Variants in ZNF76 observed in about 807,000 individuals in gnomAD.
ZNF76 encodes zinc finger protein 76, also known as zinc finger protein 523.
ZNF76 carries 66 observed loss-of-function variants against 66.9 expected under a neutral mutation model. The ratio of observed to expected loss-of-function variants is 0.99; its 90% confidence interval spans 0.81 to 1.21. The LOEUF (loss-of-function observed/expected upper bound fraction) is 1.21, where lower values mean the gene tolerates loss of function less well. Among genes scored for constraint, ZNF76 ranks in the 50% most tolerant of loss-of-function variants. ZNF76 has a pLI of 0.00. For missense variants in ZNF76, 729 were observed against 760.3 expected, an observed-to-expected ratio of 0.96 and a Z score of 0.48; for synonymous variants, 275 against 296.1, an observed-to-expected ratio of 0.93 and a Z score of 0.73.
intron 2 of ZNF76, among the ~76,000 whole-genome samples, chr6:35,283,976 G>A (rs1303023786): frequency 3.9e-5 from 6 of 152,204 alleles, no homozygotes; most frequent in East Asian, 1.9e-4. Flanking sequence ...AAGGGGAGAC[G>A]TCAGCAGAGA....
Position 35,292,374 on chromosome 6 carries a change from T to A in ZNF76, c.932-180T>A. 2 of 630,406 alleles carry A rather than the reference T, an allele frequency of 3.2e-6. No homozygotes were observed. The highest frequency in any genetic ancestry group is 5.8e-6 in the Non-Finnish European group (2 of 346,918). The allele number at this position is 630,406 out of a possible 1,614,324, so 39.1% of individuals were successfully genotyped here. A position where few individuals can be genotyped will look rare whatever the true frequency, so the allele number is the denominator to read the frequency against. On this transcript the variant is annotated intron_variant, in intron 9 of 13. Transcript: ENST00000373953. This position sits in a 1 kb window ranked among gnomAD's most constrained non-coding sequence, Gnocchi z 4.7. ...TCTCTGGATTCAGTGGTTCAACACC[T>A]GTGTCCTCTCTGTGTTCCACTGGCC...
In ZNF76 at chr6:35,287,580, A is replaced by G; in HGVS notation, c.233-66A>G. The G allele has an allele frequency of 1.4e-6, 2 of 1,466,450 alleles. No individual in the cohort carries two copies. The highest frequency in any genetic ancestry group is 1.8e-6 in the Non-Finnish European group (2 of 1,083,934). 90.8% of individuals were successfully genotyped at this position (1,466,450 alleles called of 1,614,324 possible). ...GTATATGTATCTCTCATTAACTTAAAGCTAGGGTCCCAGCTGTATCTCTTC... is the reference window on the plus strand; with the variant it reads ...GTATATGTATCTCTCATTAACTTAAGGCTAGGGTCCCAGCTGTATCTCTTC... On this transcript the variant is annotated intron_variant, in intron 4 of 13. Coordinates refer to ENST00000373953, the MANE Select transcript of ZNF76 (RefSeq NM_003427.5). The surrounding 1 kb of genome is among the most constrained non-coding windows in gnomAD (Gnocchi z 4.0).
chr6:35,286,439 G>C (rs1302644665), intron 4 of ZNF76, 40 bp downstream of exon 4: 5 of 1,590,768 alleles, frequency 3.1e-6, no homozygotes, highest in Non-Finnish European at 4.3e-6. Flanking sequence ...AGGATGGGAG[G>C]CAGGACTGGA....
rs768736383 is a variant in ZNF76, at chr6:35,286,159, G to C, written c.105G>C (p.Gln35His). The C allele has an allele frequency of 4.3e-6, 7 of 1,614,016 alleles. No homozygotes were observed. Among genetic ancestry groups the C allele is most frequent in the Non-Finnish European group, 5.1e-6 (6 of 1,180,030 alleles). ...AGCTTCTTGAAGGGCAGGTGATCCA[G>C]CTCGAGGATGGGACCACCGCATACA... ...GEKLLEGQVI[Q>H]LEDGTTAYIH... Residue 35 changes from glutamine to histidine, a missense_variant, in exon 3 of 14, where the codon CAG becomes CAC. Transcript: ENST00000373953.
chr6:35,292,087 TCCTCA>T lies in ZNF76; in HGVS notation c.931+354_931+358del. ...AGCAGAGTGAACTGTCACCTTCAAC[TCCTCA>T]CCTTATCCGCCGTCCATGACTCCTG... On this transcript the variant is annotated intron_variant, in intron 9 of 13. Transcript: ENST00000373953. The surrounding 1 kb of genome is among the most constrained non-coding windows in gnomAD (Gnocchi z 4.7). 2.3e-6 allele frequency: 1 copy of T among 438,010 alleles called. No homozygotes were observed. 27.1% of individuals were successfully genotyped at this position (438,010 alleles called of 1,614,324 possible). A position where few individuals can be genotyped will look rare whatever the true frequency, so the allele number is the denominator to read the frequency against.
chr6:35,280,529 C>A (rs867116169), intron 1 of ZNF76, among the ~76,000 whole-genome samples: 2 of 127,190 alleles, frequency 1.6e-5, no homozygotes, highest in Admixed American at 8.1e-5. Flanking sequence ...CCCCCCCCCC[C>A]GCCCTGAAGT....
intron 5 of ZNF76, among the ~76,000 whole-genome samples, chr6:35,288,487 AAC>A (rs1789919934): frequency 6.6e-6 from 1 of 152,212 alleles, no homozygotes; most frequent in African/African-American, 2.4e-5. Flanking sequence ...GAGCTTTCCA[AAC>A]CAGGGTGTTC....
intron 5 of ZNF76, among the ~76,000 whole-genome samples, chr6:35,289,832 C>T (rs564002252): frequency 2.0e-5 from 3 of 152,086 alleles, no homozygotes; most frequent in Non-Finnish European, 4.4e-5. Context: ...GCACTAGTTT[C>T]GTGCCAGGAG....
intron 1 of ZNF76, among the ~76,000 whole-genome samples, chr6:35,268,338 C>T (rs1469048091): frequency 4.6e-5 from 7 of 152,222 alleles, no homozygotes; most frequent in Middle Eastern, 3.4e-3. Context: ...ACGTTTATAT[C>T]GTGAGGAGAG....
chr6:35,295,204 G>T lies in ZNF76; in HGVS notation c.1669G>T (p.Gly557Trp). 1 of 1,611,860 alleles carries T rather than the reference G, an allele frequency of 6.2e-7. No homozygotes were observed. The change falls in exon 14 of 14, where the codon GGG (glycine) becomes TGG (tryptophan). Residue 557 changes from glycine to tryptophan, a missense_variant. Transcript: ENST00000373953. ...INVATAAMQQ[G>W]AVTLETTVSE... The stretch of plus-strand genomic sequence containing the variant: ...TGTGGCCACTGCGGCCATGCAGCAA[G>T]GGGCTGTGACCCTGGAGACAACAGT...
At chr6:35,286,744 T>G in intron 4 of ZNF76, 2 of 364,924 alleles carry the variant, frequency 5.5e-6, no homozygotes, top group Non-Finnish European at 5.1e-6. Context: ...AGAATGAAGC[T>G]CCTAAGGTGC....
At chr6:35,265,798 G>A (rs1453023852) in intron 1 of ZNF76, among the ~76,000 whole-genome samples, 1 of 152,094 alleles carries the variant, frequency 6.6e-6, no homozygotes, top group African/African-American at 2.4e-5. Flanking sequence ...GGCAGATGTT[G>A]CGGTGGGGGT....
At chr6:35,278,261 C>A (rs1273531828) in intron 1 of ZNF76, among the ~76,000 whole-genome samples, 1 of 152,166 alleles carries the variant, frequency 6.6e-6, no homozygotes, top group Non-Finnish European at 1.5e-5. Context: ...CTCTGCCTCC[C>A]AGGTTCAAGC....
In ZNF76 at chr6:35,291,404, G is replaced by T. The variant is rs767335084; in HGVS notation, c.751+1G>T. ...CAGAAGCATGTCCGTACCCACACTG[G>T]TATGCTGGGCCCTGCCCACTCCAAC... On this transcript the variant is annotated splice_donor_variant, in intron 8 of 13. Transcript: ENST00000373953. LOFTEE classifies it high-confidence loss of function. 1.2e-6 allele frequency: 2 copies of T among 1,614,020 alleles called. No individual in the cohort carries two copies. Among genetic ancestry groups the T allele is most frequent in the African/African-American group, 2.7e-5 (2 of 74,914 alleles).
At chr6:35,286,489 C>G in intron 4 of ZNF76, 90 bp downstream of exon 4, 2 of 1,226,612 alleles carry the variant, frequency 1.6e-6, no homozygotes, top group Non-Finnish European at 2.4e-6. Flanking sequence ...TGGCACACAA[C>G]TGGGGTGTAG....
At chr6:35,271,223 A>G (rs1787008031) in intron 1 of ZNF76, among the ~76,000 whole-genome samples, 1 of 152,240 alleles carries the variant, frequency 6.6e-6, no homozygotes, top group Non-Finnish European at 1.5e-5. Flanking sequence ...TAGATGTGAA[A>G]TTGCTGGGTC....
Position 35,287,964 on chromosome 6 carries a change from G to C in ZNF76, c.432+119G>C. On this transcript the variant is annotated intron_variant, in intron 5 of 13. Coordinates refer to ENST00000373953, the MANE Select transcript of ZNF76 (RefSeq NM_003427.5). The surrounding 1 kb of genome is among the most constrained non-coding windows in gnomAD (Gnocchi z 4.0). ...AGAGGACAAGGGCAGCCCTGTGCTT[G>C]GGCACCATGTGGGATATTCCCTTTG... 1 of 1,181,718 alleles carries C rather than the reference G, an allele frequency of 8.5e-7. No homozygotes were observed. The highest frequency in any genetic ancestry group is 1.2e-6 in the Non-Finnish European group (1 of 822,322). 73.2% of individuals were successfully genotyped at this position (1,181,718 alleles called of 1,614,324 possible). A position where few individuals can be genotyped will look rare whatever the true frequency, so the allele number is the denominator to read the frequency against.
At position 35,287,814 on chromosome 6, in the gene ZNF76, C is replaced by T. The variant is rs1165582516; in HGVS notation, c.401C>T (p.Ala134Val). Reference sequence around the variant, plus strand: ...GATGATGAGGGCTTCAGTGCAGACGCAGTGGTGGCCCTGGAGCAGTATGCC... The same window carrying T: ...GATGATGAGGGCTTCAGTGCAGACGTAGTGGTGGCCCTGGAGCAGTATGCC... ...AEDDEGFSADAVVALEQYASK... is the reference protein window; with the variant it reads ...AEDDEGFSADVVVALEQYASK... The change falls in exon 5 of 14, where the codon GCA becomes GTA. Residue 134 changes from alanine to valine, a missense_variant. Coordinates refer to ENST00000373953, the MANE Select transcript of ZNF76 (RefSeq NM_003427.5). This position sits in a 1 kb window ranked among gnomAD's most constrained non-coding sequence, Gnocchi z 4.0. 6.2e-7 allele frequency: 1 copy of T among 1,607,742 alleles called. No individual in the cohort carries two copies. Among genetic ancestry groups the T allele is most frequent in the Non-Finnish European group, 8.5e-7 (1 of 1,177,080 alleles).
rs867877650 is a variant in ZNF76, at chr6:35,287,939, A to G, written c.432+94A>G. The stretch of plus-strand genomic sequence containing the variant: ...GGCCCTGCCAGAACTTCACCTCTCA[A>G]GAGGACAAGGGCAGCCCTGTGCTTG... On this transcript the variant is annotated intron_variant, in intron 5 of 13. Transcript: ENST00000373953. The surrounding 1 kb of genome is among the most constrained non-coding windows in gnomAD (Gnocchi z 4.0). 2.8e-5 allele frequency: 39 copies of G among 1,405,284 alleles called. No individual in the cohort carries two copies. The highest frequency in any genetic ancestry group is 1.7e-4 in the Middle Eastern group (1 of 5,776). 87.1% of individuals were successfully genotyped at this position (1,405,284 alleles called of 1,614,324 possible).
Sources: allele counts gnomAD v4.1 joint callset (sites outside exome capture counted in the v4.1 genomes callset), GRCh38; gene constraint gnomAD v4.1.1; non-coding constraint Gnocchi (gnomAD v3.1); transcripts MANE v1.5; gene names NCBI Gene and HGNC (gene_info 2026-07-23, HGNC 2026-07-21).